The following NOL4L variants were observed in gnomAD, a reference collection of about 807,000 sequenced individuals.
NOL4L encodes nucleolar protein 4-like.
In NOL4L, 7 loss-of-function variants were observed where a neutral mutation model predicts 64.5. That is an observed-to-expected ratio of 0.11 (90% CI 0.06 to 0.20). The LOEUF (loss-of-function observed/expected upper bound fraction) is 0.20, where lower values mean the gene tolerates loss of function less well. Ranked by LOEUF, NOL4L falls within the 10% of genes least tolerant of loss-of-function variation. The probability of loss-of-function intolerance (pLI) is 1.00; values close to 1 mark genes in which losing one functional copy is unlikely to be tolerated. For missense variants in NOL4L, 680 were observed against 967.1 expected, an observed-to-expected ratio of 0.70 and a Z score of 3.94; for synonymous variants, 413 against 401.0, an observed-to-expected ratio of 1.03 and a Z score of -0.36.
In NOL4L at chr20:32,464,947, A is replaced by C. The variant is rs1313629863; in HGVS notation, c.842-8552T>G. On this transcript the variant is annotated intron_variant, in intron 5 of 10. Transcript: ENST00000621426. The surrounding 1 kb of genome is among the most constrained non-coding windows in gnomAD (Gnocchi z 5.6). ...CACCTGTCTGCACTAGCCTTTTCCA[A>C]GGCTCAGTAGCCGTCCTTGGCTAAT... 1.9e-6 allele frequency: 1 copy of C among 524,920 alleles called. No homozygotes were observed. 32.5% of individuals were successfully genotyped at this position (524,920 alleles called of 1,614,324 possible).
chr20:32,459,380 ATTT>A (rs35851647), intron 5 of NOL4L, among the ~76,000 whole-genome samples: 10 of 121,294 alleles, frequency 8.2e-5, no homozygotes, highest in Admixed American at 8.6e-5. Flanking sequence ...CGCTTGGCTA[ATTT>A]TTTTTTTTTT....
intron 1 of NOL4L, among the ~76,000 whole-genome samples, chr20:32,534,758 G>A (rs2018458491): frequency 6.6e-6 from 1 of 151,718 alleles, no homozygotes; most frequent in Middle Eastern, 3.4e-3. Flanking sequence ...GCATTCGACT[G>A]TAGTCCCAGG....
chr20:32,546,120 G>A (rs997358707), intron 1 of NOL4L, among the ~76,000 whole-genome samples: 6 of 151,578 alleles, frequency 4.0e-5, no homozygotes, highest in African/African-American at 1.5e-4. Flanking sequence ...GCTAATTTTT[G>A]TATTTTTAGT....
intron 4 of NOL4L, among the ~76,000 whole-genome samples, chr20:32,502,586 C>CAA (rs995588690): frequency 7.3e-6 from 1 of 136,922 alleles, no homozygotes. Context: ...GACTCCATCT[C>CAA]AAAAAAAAAA....
At chr20:32,454,299 C>T (rs893976501) in intron 6 of NOL4L, among the ~76,000 whole-genome samples, 6 of 152,342 alleles carry the variant, frequency 3.9e-5, no homozygotes, top group South Asian at 4.1e-4. Flanking sequence ...CCAGCCAGGG[C>T]GACAGGTCCG....
intron 5 of NOL4L, among the ~76,000 whole-genome samples, chr20:32,472,905 G>A (rs1324774515): frequency 6.6e-6 from 1 of 152,026 alleles, no homozygotes; most frequent in Non-Finnish European, 1.5e-5. Flanking sequence ...TGGGCTCTTG[G>A]GGACCTACAG....
In NOL4L at chr20:32,584,570, C is replaced by A; in HGVS notation, c.321G>T (p.Ser107=). The A allele has an allele frequency of 7.1e-7, 1 of 1,410,522 alleles. No homozygotes were observed. Among genetic ancestry groups the A allele is most frequent in the Non-Finnish European group, 9.4e-7 (1 of 1,068,910 alleles). 87.4% of individuals were successfully genotyped at this position (1,410,522 alleles called of 1,614,324 possible). The change falls in exon 1 of 11, where the codon TCG becomes TCT. Residue 107 remains serine, a splice_region_variant and synonymous_variant. Transcript: ENST00000621426. ...QVVYVPVKTG[S]GADGLSEPEG... is the part of the protein sequence containing the mutation. The stretch of plus-strand genomic sequence containing the variant: ...CCGCGGCCGCCGCGCGCGCACTCAC[C>A]GAGCCCGTCTTGACCGGCACATACA...
chr20:32,512,119 C>A (rs1273415319), intron 3 of NOL4L, among the ~76,000 whole-genome samples: 4 of 152,190 alleles, frequency 2.6e-5, no homozygotes, highest in Admixed American at 2.6e-4. Context: ...CACATGGGGC[C>A]CCCACTCCCG....
chr20:32,466,335 C>G (rs2014547517), intron 5 of NOL4L, among the ~76,000 whole-genome samples: 1 of 152,164 alleles, frequency 6.6e-6, no homozygotes, highest in South Asian at 2.1e-4. Context: ...CCCAGCATCC[C>G]AGACAAGGCC....
chr20:32,472,492 G>A (rs572573924), intron 5 of NOL4L, among the ~76,000 whole-genome samples: 267 of 152,292 alleles, frequency 1.8e-3, no homozygotes, highest in African/African-American at 6.3e-3. Flanking sequence ...CAATAACAGG[G>A]GCCTGAGAGT....
rs1335972543 is a variant in NOL4L, at chr20:32,443,772, TGCCCA to T, written c.*3819_*3823del. ...CATTCTGACCTTCCCACTCCCAGGC[TGCCCA>T]GGGAAGAACTACATTCATCCCACAG... On this transcript the variant is annotated 3_prime_UTR_variant, in exon 11 of 11. Coordinates refer to ENST00000621426, the MANE Select transcript of NOL4L (RefSeq NM_001256798.2). 6.9e-6 allele frequency: 1 copy of T among 144,296 alleles called. No individual in the cohort carries two copies. The highest frequency in any genetic ancestry group is 1.5e-5 in the Non-Finnish European group (1 of 66,504). 8.9% of individuals were successfully genotyped at this position (144,296 alleles called of 1,614,324 possible).
chr20:32,486,237 A>T (rs949206010), intron 4 of NOL4L, among the ~76,000 whole-genome samples: 1 of 151,576 alleles, frequency 6.6e-6, no homozygotes, highest in Non-Finnish European at 1.5e-5. Context: ...TCCTTGTGCC[A>T]CTCCCCCACT....
At chr20:32,479,158 G>T (rs1392315484) in intron 4 of NOL4L, among the ~76,000 whole-genome samples, 2 of 152,204 alleles carry the variant, frequency 1.3e-5, no homozygotes, top group African/African-American at 4.8e-5. Flanking sequence ...GGAGAAGCAG[G>T]CTAATCACAC....
At chr20:32,483,707 GA>G in intron 4 of NOL4L, 1 of 59,504 alleles carries the variant, frequency 1.7e-5, no homozygotes, top group Non-Finnish European at 3.5e-5. Context: ...GGAGTAGGAG[GA>G]GCAGCAGGAG....
chr20:32,572,872 T>C (rs568617192), intron 1 of NOL4L, among the ~76,000 whole-genome samples: 41 of 152,224 alleles, frequency 2.7e-4, no homozygotes, highest in Non-Finnish European at 4.6e-4. Context: ...TCTGCTCCAG[T>C]ATCCCCTGCC....
chr20:32,474,515 A>G, intron 5 of NOL4L, 86 bp downstream of exon 5: 8 of 1,476,584 alleles, frequency 5.4e-6, no homozygotes, highest in Non-Finnish European at 7.2e-6. Flanking sequence ...GCCACCCTGG[A>G]GTGTGTCCAC....
At chr20:32,541,022 C>T (rs910195754) in intron 1 of NOL4L, among the ~76,000 whole-genome samples, 42 of 145,852 alleles carry the variant, frequency 2.9e-4, no homozygotes, top group African/African-American at 9.6e-4. Flanking sequence ...CACACACACA[C>T]ACACACACAC....
intron 1 of NOL4L, chr20:32,536,415 T>C (rs555007806): frequency 0.014 from 8,577 of 629,678 alleles, 88 homozygotes; most frequent in Non-Finnish European, 0.016. Flanking sequence ...TGGGCCGCGC[T>C]AATGACTGTT....
intron 4 of NOL4L, among the ~76,000 whole-genome samples, chr20:32,492,110 C>T (rs767083124): frequency 6.6e-6 from 1 of 152,098 alleles, no homozygotes; most frequent in Admixed American, 6.5e-5. Flanking sequence ...GACCCTGTCT[C>T]GAAAGACAGA....
Sources: gnomAD v4.1 joint callset for allele counts (sites outside exome capture counted in the v4.1 genomes callset) on GRCh38, gnomAD v4.1.1 for gene constraint, Gnocchi (gnomAD v3.1) non-coding constraint, MANE v1.5 for transcripts, NCBI Gene and HGNC (gene_info 2026-07-23, HGNC 2026-07-21) for gene names.